XCL2: variants seen among roughly 807,000 people sequenced by gnomAD.
XCL2 encodes X-C motif chemokine ligand 2, also known as cytokine SCM-1 beta.
A neutral mutation model predicts 7.2 loss-of-function variants in XCL2; 8 were observed. The ratio of observed to expected loss-of-function variants is 1.10; its 90% CI spans 0.65 to 1.99. The LOEUF is 1.99. Ranked by LOEUF, XCL2 falls within the 30% of genes most tolerant of loss-of-function variation. The pLI is 0.00. For synonymous variants in XCL2, 46 were observed against 54.2 expected, an observed-to-expected ratio of 0.85 and a Z score of 0.67; for missense variants, 131 against 138.6, an observed-to-expected ratio of 0.94 and a Z score of 0.28.
At chr1:168,543,822 C>G (rs1654342067) in intron 1 of XCL2, 82 bp downstream of exon 1, 5 of 1,601,742 alleles carry the variant, frequency 3.1e-6, no homozygotes, top group African/African-American at 1.3e-5. Context: ...TTAGTCCAGT[C>G]AAAACCCGAG....
At chr1:168,543,253 C>A in intron 1 of XCL2, 1 of 208,286 alleles carries the variant, frequency 4.8e-6, no homozygotes, top group Non-Finnish European at 9.6e-6. Flanking sequence ...TTCTGCCTGT[C>A]CTGCGTCCTA....
rs763527257 is a variant in XCL2 at position 168,541,077 on chromosome 1, C to T, written c.220G>A (p.Ala74Thr). The T allele has an allele frequency of 3.7e-6, 6 of 1,613,654 alleles. No individual in the cohort carries two copies. The South Asian group carries it at 5.5e-5, about 15-fold the overall frequency. Residue 74 changes from alanine (A) to threonine (T), a missense_variant, in exon 3 of 3, where the codon GCC becomes ACC. By Grantham distance (58) the Ala-to-Thr change is moderately conservative. Transcript: ENST00000367819. ...CTGACCACGTCTCTCACCCACGTGG[C>T]TTGTGGATCAGCACAGACTTTTAGG... is the stretch of plus-strand genomic sequence containing the variant. The part of the protein sequence containing the change: ...RGLKVCADPQ[A>T]TWVRDVVRSM...
At chr1:168,543,830 G>A (rs969151065) in intron 1 of XCL2, 74 bp downstream of exon 1, 7 of 1,603,422 alleles carry the variant, frequency 4.4e-6, no homozygotes, top group East Asian at 2.2e-5. Flanking sequence ...GTCAAAACCC[G>A]AGTCAAACCC....
intron 1 of XCL2, chr1:168,542,698 T>C (rs1244114234): frequency 6.2e-6 from 1 of 162,118 alleles, no homozygotes; most frequent in East Asian, 1.9e-4. Flanking sequence ...CCTTTTTAAA[T>C]GGTCAAATTT....
intron 1 of XCL2, 114 bp from the exon 2 acceptor site, chr1:168,542,221 C>G: frequency 2.3e-6 from 2 of 874,442 alleles, no homozygotes; most frequent in Non-Finnish European, 3.2e-6. Flanking sequence ...AGGCCATTTG[C>G]TTTTTGGGGG....
intron 2 of XCL2, 82 bp downstream of exon 2, chr1:168,541,911 T>C (rs971122809): frequency 2.3e-5 from 30 of 1,282,316 alleles, no homozygotes; most frequent in Non-Finnish European, 2.9e-5. Flanking sequence ...CTACTTTTCC[T>C]GAGGATGGCA....
At position 168,540,941 on chromosome 1, in the gene XCL2, G is replaced by A. The variant is rs1420336521; in HGVS notation, c.*11C>T. 8.7e-6 allele frequency: 14 copies of A among 1,612,462 alleles called. No individual in the cohort carries two copies. Among genetic ancestry groups the A allele is most frequent in the Non-Finnish European group, 1.2e-5 (14 of 1,178,838 alleles). ...CTGGCTGGCTGGAGACGGACAGGGT[G>A]CCAGAGACTACTAGCCAGTCAGGGT... On this transcript the variant is annotated 3_prime_UTR_variant, in exon 3 of 3. Coordinates refer to ENST00000367819, the MANE Select transcript of XCL2 (RefSeq NM_003175.4).
In XCL2 at chr1:168,541,973, T is replaced by G; in HGVS notation, c.176+20A>C. 1 of 1,609,480 alleles carries G rather than the reference T, an allele frequency of 6.2e-7. No homozygotes were observed. Among genetic ancestry groups the G allele is most frequent in the Non-Finnish European group, 8.5e-7 (1 of 1,177,474 alleles). Reference sequence around the variant, plus strand: ...CCTCTAGGTACCCACCCAGCCCAACTTCTGAGGAGGCAGACTCACATTACT... The same window carrying G: ...CCTCTAGGTACCCACCCAGCCCAACGTCTGAGGAGGCAGACTCACATTACT... On this transcript the variant is annotated intron_variant, in intron 2 of 2. Transcript: ENST00000367819.
chr1:168,541,693 G>C (rs887016153), intron 2 of XCL2, among the ~76,000 whole-genome samples: 4 of 152,136 alleles, frequency 2.6e-5, no homozygotes, highest in African/African-American at 9.7e-5. Flanking sequence ...ACCCTGACAT[G>C]AGCCAGCCAT....
intron 2 of XCL2, among the ~76,000 whole-genome samples, chr1:168,541,460 A>AT (rs77465446): frequency 0.13 from 20,116 of 151,888 alleles, 1,417 homozygotes; most frequent in Middle Eastern, 0.24. Flanking sequence ...TACTCATCTT[A>AT]TTTTTTTTAA....
rs189587789 is a variant in XCL2 at position 168,542,853 on chromosome 1, C to T, written c.62-746G>A. 281 of 187,568 alleles carry T rather than the reference C, an allele frequency of 1.5e-3. 1 individual carries two copies. The highest frequency in any genetic ancestry group is 6.3e-3 in the African/African-American group (265 of 42,294). The allele number at this position is 187,568 out of a possible 1,614,324, so 11.6% of individuals were successfully genotyped here. A position where few individuals can be genotyped will look rare whatever the true frequency, so the allele number is the denominator to read the frequency against. On this transcript the variant is annotated intron_variant, in intron 1 of 2. Transcript: ENST00000367819. ...GAAAAGGCCTAAGAGTTTTCTTAGGCAGGCATTGGACAGGACATCCAGCCC... is the reference window on the plus strand; with the variant it reads ...GAAAAGGCCTAAGAGTTTTCTTAGGTAGGCATTGGACAGGACATCCAGCCC...
At chr1:168,542,963 A>G (rs369648059) in intron 1 of XCL2, 42 of 317,696 alleles carry the variant, frequency 1.3e-4, no homozygotes, top group East Asian at 1.1e-3. Flanking sequence ...GCAGCTGAAA[A>G]TGCCTTCTGC....
chr1:168,541,756 A>G (rs982258082), intron 2 of XCL2, among the ~76,000 whole-genome samples: 1 of 152,196 alleles, frequency 6.6e-6, no homozygotes, highest in Non-Finnish European at 1.5e-5. Context: ...CTCTTCCACT[A>G]AGACAAATAG....
intron 1 of XCL2, chr1:168,542,719 C>A: frequency 6.2e-6 from 1 of 160,758 alleles, no homozygotes; most frequent in South Asian, 1.7e-4. Context: ...CCCTCTCTGT[C>A]AGCTGCCTAA....
chr1:168,543,268 G>C, intron 1 of XCL2: 1 of 213,546 alleles, frequency 4.7e-6, no homozygotes, highest in Non-Finnish European at 9.4e-6. Flanking sequence ...GTCCTAAAAT[G>C]GGGGTCCCTT....
At chr1:168,542,989 C>G (rs1268575770) in intron 1 of XCL2, 1 of 328,038 alleles carries the variant, frequency 3.0e-6, no homozygotes, top group Non-Finnish European at 5.8e-6. Context: ...ACCAGTTCAC[C>G]CAAGCCTTAG....
At chr1:168,541,971 A>G in intron 2 of XCL2, 22 bp downstream of exon 2, 6 of 1,608,918 alleles carry the variant, frequency 3.7e-6, no homozygotes, top group South Asian at 3.3e-5. Flanking sequence ...ACCCAGCCCA[A>G]CTTCTGAGGA....
At chr1:168,543,345 C>T (rs1410053864) in intron 1 of XCL2, 1 of 203,250 alleles carries the variant, frequency 4.9e-6, no homozygotes, top group Non-Finnish European at 1.0e-5. Context: ...CTACTGTCGC[C>T]TTCACACAGG....
chr1:168,540,942 C>A lies in XCL2; in HGVS notation c.*10G>T, dbSNP rs1179726501. 40 of 1,612,242 alleles carry A rather than the reference C, an allele frequency of 2.5e-5. No individual in the cohort carries two copies. The highest frequency in any genetic ancestry group is 3.4e-5 in the Non-Finnish European group (40 of 1,178,716). On this transcript the variant is annotated 3_prime_UTR_variant, in exon 3 of 3. Coordinates refer to ENST00000367819, the MANE Select transcript of XCL2 (RefSeq NM_003175.4). ...TGGCTGGCTGGAGACGGACAGGGTGCCAGAGACTACTAGCCAGTCAGGGTC... is the reference window on the plus strand; with the variant it reads ...TGGCTGGCTGGAGACGGACAGGGTGACAGAGACTACTAGCCAGTCAGGGTC...
Sources: allele counts gnomAD v4.1 joint callset (sites outside exome capture counted in the v4.1 genomes callset), GRCh38; gene constraint gnomAD v4.1.1; transcripts MANE v1.5; gene names NCBI Gene and HGNC (gene_info 2026-07-23, HGNC 2026-07-21).